The following ADAM22 variants were observed in gnomAD, a reference collection of about 807,000 sequenced individuals.
ADAM22 encodes the protein ADAM metallopeptidase domain 22.
Under a neutral mutation model 144.6 loss-of-function variants are expected in ADAM22, and 65 were observed. The observed-to-expected ratio is 0.45, with a 90% CI of 0.37 to 0.55. The LOEUF (loss-of-function observed/expected upper bound fraction) is 0.55. Ranked by LOEUF, ADAM22 falls within the 20% of genes least tolerant of loss-of-function variation. The pLI is 0.00. For missense variants in ADAM22, 974 were observed against 1,184.9 expected, an observed-to-expected ratio of 0.82 and a Z score of 2.61; for synonymous variants, 391 against 412.6, an observed-to-expected ratio of 0.95 and a Z score of 0.63.
intron 2 of ADAM22, among the ~76,000 whole-genome samples, chr7:87,962,555 AC>A (rs2129445476): frequency 6.6e-6 from 1 of 152,232 alleles, no homozygotes; most frequent in African/African-American, 2.4e-5. Flanking sequence ...CACTGCTTAC[AC>A]TTTTTTTTAA....
intron 19 of ADAM22, 75 bp downstream of exon 19, chr7:88,151,106 G>A (rs1016611107): frequency 4.9e-5 from 76 of 1,540,956 alleles, no homozygotes; most frequent in Middle Eastern, 3.4e-4. Context: ...TATCAAAATA[G>A]GAAGATCAAT....
At chr7:88,046,748 A>T (rs1386832063) in intron 3 of ADAM22, among the ~76,000 whole-genome samples, 1 of 152,144 alleles carries the variant, frequency 6.6e-6, no homozygotes, top group Non-Finnish European at 1.5e-5. Flanking sequence ...TATATATGTC[A>T]TGATTTCAGA....
intron 3 of ADAM22, among the ~76,000 whole-genome samples, chr7:88,012,173 G>A (rs1795595317): frequency 1.3e-5 from 2 of 151,850 alleles, no homozygotes; most frequent in African/African-American, 4.8e-5. Context: ...TGTTAACAGT[G>A]TTTTTGACTG....
At chr7:87,972,565 C>T (rs1413827201) in intron 2 of ADAM22, among the ~76,000 whole-genome samples, 1 of 152,072 alleles carries the variant, frequency 6.6e-6, no homozygotes, top group African/African-American at 2.4e-5. Flanking sequence ...ACTTTCTTCA[C>T]AGAATTGGGA....
intron 3 of ADAM22, among the ~76,000 whole-genome samples, chr7:87,985,851 T>C (rs1478314354): frequency 3.9e-5 from 6 of 152,196 alleles, no homozygotes; most frequent in Admixed American, 2.0e-4. Flanking sequence ...TTGGATCATA[T>C]GGTAGTTTCA....
intron 4 of ADAM22, among the ~76,000 whole-genome samples, chr7:88,107,284 C>T (rs947598161): frequency 6.7e-6 from 1 of 149,794 alleles, no homozygotes; most frequent in Non-Finnish European, 1.5e-5. Context: ...TCACTGCGAC[C>T]TCCACTTCCC....
At chr7:88,165,305 T>C (rs550644301) in intron 23 of ADAM22, among the ~76,000 whole-genome samples, 5 of 152,250 alleles carry the variant, frequency 3.3e-5, no homozygotes, top group Admixed American at 6.6e-5. Flanking sequence ...CTGACATAGC[T>C]AGTATCTACA....
chr7:87,949,052 G>A (rs1201564922), intron 2 of ADAM22, among the ~76,000 whole-genome samples: 2 of 152,214 alleles, frequency 1.3e-5, no homozygotes, highest in East Asian at 1.9e-4. Context: ...TCTGGATTAT[G>A]TAATGCTTTC....
At chr7:88,188,834 C>T (rs2129539974) in intron 30 of ADAM22, among the ~76,000 whole-genome samples, 1 of 152,310 alleles carries the variant, frequency 6.6e-6, no homozygotes, top group East Asian at 1.9e-4. Flanking sequence ...CCCTTCCTGT[C>T]AAAACCACCA....
At chr7:88,035,306 T>C (rs111692502) in intron 3 of ADAM22, among the ~76,000 whole-genome samples, 15 of 152,388 alleles carry the variant, frequency 9.8e-5, no homozygotes, top group African/African-American at 3.6e-4. Context: ...AGGAGTTTGT[T>C]GCCTTGGCTT....
chr7:87,954,525 T>A (rs1407151829), intron 2 of ADAM22, among the ~76,000 whole-genome samples: 1 of 152,200 alleles, frequency 6.6e-6, no homozygotes, highest in Non-Finnish European at 1.5e-5. Context: ...GTTAGTCTGA[T>A]GGGCTTCCCT....
At chr7:87,963,822 C>T (rs1848497951) in intron 2 of ADAM22, among the ~76,000 whole-genome samples, 1 of 152,104 alleles carries the variant, frequency 6.6e-6, no homozygotes, top group Non-Finnish European at 1.5e-5. Context: ...GTTTCTGATA[C>T]TGTTGGGGTC....
At chr7:87,988,518 G>C (rs1161293529) in intron 3 of ADAM22, among the ~76,000 whole-genome samples, 1 of 152,124 alleles carries the variant, frequency 6.6e-6, no homozygotes, top group Non-Finnish European at 1.5e-5. Context: ...TATATATTAA[G>C]TTAGTGTTTT....
At chr7:88,099,229 A>G (rs927179809) in intron 4 of ADAM22, among the ~76,000 whole-genome samples, 2 of 152,238 alleles carry the variant, frequency 1.3e-5, no homozygotes, top group Admixed American at 1.3e-4. Flanking sequence ...TTACAAGTTA[A>G]TAGGCATTAG....
At chr7:87,953,825 C>T (rs1845888417) in intron 2 of ADAM22, among the ~76,000 whole-genome samples, 2 of 152,170 alleles carry the variant, frequency 1.3e-5, no homozygotes, top group African/African-American at 2.4e-5. Context: ...TCTGGGTGCT[C>T]CTGTTTTGGG....
At chr7:88,122,610 G>T (rs1421543205) in intron 7 of ADAM22, among the ~76,000 whole-genome samples, 2 of 152,160 alleles carry the variant, frequency 1.3e-5, no homozygotes, top group African/African-American at 4.8e-5. Flanking sequence ...TCAGATCCAG[G>T]TGTGGATGAG....
At chr7:88,005,381 C>T (rs1372593060) in intron 3 of ADAM22, among the ~76,000 whole-genome samples, 2 of 152,068 alleles carry the variant, frequency 1.3e-5, no homozygotes, top group Admixed American at 1.3e-4. Flanking sequence ...GCAGATGGTT[C>T]CTATGGAGTA....
chr7:88,083,405 G>A lies in ADAM22; in HGVS notation c.390+7713G>A, dbSNP rs1233996773. On this transcript the variant is annotated intron_variant, in intron 4 of 31. Coordinates refer to ENST00000413139, the MANE Select transcript of ADAM22 (RefSeq NM_001324418.2). ...CTAATGCTAAATGATGAGTTAATGG[G>A]TGCAGCACACCAACATGGCACATGT... is the stretch of plus-strand genomic sequence containing the variant. 2.0e-5 allele frequency among the ~76,000 whole-genome samples: 3 copies of A among 151,882 alleles called. No individual in the cohort carries two copies. In the East Asian group the frequency reaches 5.8e-4, roughly 29 times the overall value.
At chr7:87,937,236 G>T (rs187292798) in intron 2 of ADAM22, among the ~76,000 whole-genome samples, 2 of 152,288 alleles carry the variant, frequency 1.3e-5, no homozygotes, top group African/African-American at 2.4e-5. Context: ...GGGATTACAG[G>T]TGTGAGTTGT....
Sources: allele counts gnomAD v4.1 joint callset (sites outside exome capture counted in the v4.1 genomes callset), GRCh38; gene constraint gnomAD v4.1.1; transcripts MANE v1.5; gene names NCBI Gene and HGNC (gene_info 2026-07-23, HGNC 2026-07-21).